ANO1: variants seen among roughly 807,000 people sequenced by gnomAD.
ANO1 encodes the protein anoctamin-1.
A neutral mutation model predicts 124.0 loss-of-function variants in ANO1; 59 were observed. The observed-to-expected ratio is 0.48, with a 90% CI of 0.39 to 0.59. The LOEUF (loss-of-function observed/expected upper bound fraction) is 0.59, where lower values mean the gene tolerates loss of function less well. ANO1 is among the 20% of genes least tolerant of loss of function. The pLI is 0.00. For missense variants in ANO1, 1,059 were observed against 1,328.0 expected, an observed-to-expected ratio of 0.80 and a Z score of 3.15; for synonymous variants, 529 against 532.0, an observed-to-expected ratio of 0.99 and a Z score of 0.08.
chr11:70,061,547 G>A (rs529628893), intron 1 of ANO1, among the ~76,000 whole-genome samples: 1 of 142,548 alleles, frequency 7.0e-6, no homozygotes, highest in Non-Finnish European at 1.5e-5. Context: ...AGAATGTTGA[G>A]CTTATTTCTC....
chr11:70,098,100 C>T (rs1385029046), intron 2 of ANO1, among the ~76,000 whole-genome samples: 1 of 152,214 alleles, frequency 6.6e-6, no homozygotes, highest in African/African-American at 2.4e-5. Context: ...CCCCCGAGTC[C>T]GACGGCAGGA....
chr11:70,095,344 GAA>G (rs1012629003), intron 2 of ANO1, among the ~76,000 whole-genome samples: 11 of 99,076 alleles, frequency 1.1e-4, no homozygotes, highest in South Asian at 3.4e-4. Context: ...GAAAGAGAAA[GAA>G]AAAGAAAGAA....
intron 6 of ANO1, among the ~76,000 whole-genome samples, chr11:70,110,104 C>T (rs1037419945): frequency 6.6e-6 from 1 of 150,896 alleles, no homozygotes; most frequent in Non-Finnish European, 1.5e-5. Context: ...AAAGGCCCTG[C>T]GGCAGGCAGC....
intron 1 of ANO1, among the ~76,000 whole-genome samples, chr11:69,991,850 T>G (rs1194327981): frequency 1.3e-5 from 2 of 152,224 alleles, no homozygotes; most frequent in Non-Finnish European, 2.9e-5. Context: ...TATTATGATC[T>G]GTGTTGTAGA....
At chr11:70,023,147 G>A (rs561832796) in intron 1 of ANO1, among the ~76,000 whole-genome samples, 2 of 152,344 alleles carry the variant, frequency 1.3e-5, no homozygotes, top group Admixed American at 1.3e-4. Context: ...TAATAATCAT[G>A]TGCTGTTTTA....
intron 16 of ANO1, among the ~76,000 whole-genome samples, chr11:70,158,712 G>A (rs1247359032): frequency 6.6e-6 from 1 of 152,254 alleles, no homozygotes; most frequent in Non-Finnish European, 1.5e-5. Flanking sequence ...GGAAGAAGTG[G>A]GAAGATCCAG....
intron 1 of ANO1, 103 bp downstream of exon 1, chr11:70,078,817 G>A (rs1368764599): frequency 1.6e-6 from 1 of 625,458 alleles, no homozygotes; most frequent in Non-Finnish European, 2.2e-6. Context: ...CCCAGGGCGG[G>A]GGCCGCACCC....
intron 1 of ANO1, among the ~76,000 whole-genome samples, chr11:70,006,933 G>A (rs1163586769): frequency 1.3e-5 from 2 of 152,024 alleles, no homozygotes; most frequent in African/African-American, 2.4e-5. Flanking sequence ...GCCTCCCAAA[G>A]TGCTGGGATG....
At chr11:70,143,556 T>C (rs2047236212) in intron 11 of ANO1, among the ~76,000 whole-genome samples, 1 of 152,116 alleles carries the variant, frequency 6.6e-6, no homozygotes, top group Non-Finnish European at 1.5e-5. Flanking sequence ...CCTACGGAGC[T>C]TGTTCAGAAT....
intron 1 of ANO1, chr11:70,064,520 C>CT (rs1300421759): frequency 2.0e-5 from 3 of 152,270 alleles, no homozygotes; most frequent in Non-Finnish European, 2.9e-5. Context: ...ACGCTGGCCC[C>CT]CTCTCTGGCT....
chr11:70,171,175 G>A, intron 22 of ANO1, 136 bp downstream of exon 22: 1 of 1,289,088 alleles, frequency 7.8e-7, no homozygotes, highest in Non-Finnish European at 1.1e-6. Context: ...CCTTTGCCGG[G>A]TGGAGCCTGG....
rs1223792465 is a variant in ANO1, at chr11:70,136,787, A to G, written c.1258+4708A>G. ...ATTCCAGTCACAGGTGGGGACAGAC[A>G]CGCACAGAAATCAGCATAGCCTCGA... On this transcript the variant is annotated intron_variant, in intron 11 of 25. Transcript: ENST00000355303. 1.4e-5 allele frequency among the ~76,000 whole-genome samples: 2 copies of G among 147,986 alleles called. 1 individual carries two copies. Among genetic ancestry groups the G allele is most frequent in the Non-Finnish European group, 3.0e-5 (2 of 66,330 alleles).
chr11:70,019,760 C>T (rs1856767649), intron 1 of ANO1, among the ~76,000 whole-genome samples: 1 of 152,238 alleles, frequency 6.6e-6, no homozygotes, highest in Non-Finnish European at 1.5e-5. Flanking sequence ...TAGGGCAGGC[C>T]TCATGACTTC....
chr11:70,104,895 G>T (rs922664633), intron 4 of ANO1, among the ~76,000 whole-genome samples: 1 of 152,144 alleles, frequency 6.6e-6, no homozygotes, highest in African/African-American at 2.4e-5. Context: ...AGGGGCCCTT[G>T]CTTATAAATG....
chr11:70,031,461 C>T (rs2135030322), intron 1 of ANO1, among the ~76,000 whole-genome samples: 1 of 152,330 alleles, frequency 6.6e-6, no homozygotes, highest in Admixed American at 6.5e-5. Context: ...CTATCTGAAA[C>T]TTTGTATCCT....
intron 8 of ANO1, among the ~76,000 whole-genome samples, chr11:70,122,687 T>C (rs2046343259): frequency 6.7e-6 from 1 of 150,078 alleles, no homozygotes; most frequent in Non-Finnish European, 1.5e-5. Context: ...TCTCTCCCTC[T>C]CCCCTACCTC....
At chr11:70,180,630 T>A (rs1208539689) in intron 23 of ANO1, among the ~76,000 whole-genome samples, 2 of 151,192 alleles carry the variant, frequency 1.3e-5, no homozygotes, top group Admixed American at 1.3e-4. Flanking sequence ...CTAAGTCCAC[T>A]GAGAATAAAC....
At chr11:70,095,275 GGAAGGAAGGAAGGAAGGAAGGAAGGAAA>G (rs1565193082) in intron 2 of ANO1, among the ~76,000 whole-genome samples, 2 of 81,264 alleles carry the variant, frequency 2.5e-5, no homozygotes, top group African/African-American at 5.1e-5. Context: ...AAGGAAGGAA[GGAAGGAAGGAAGGAAGGAAGGAAGGAAA>G]GAAAGAAAGA....
intron 19 of ANO1, among the ~76,000 whole-genome samples, chr11:70,164,138 C>T (rs2048163937): frequency 6.6e-6 from 1 of 152,186 alleles, no homozygotes; most frequent in African/African-American, 2.4e-5. Flanking sequence ...TGGACTTGCT[C>T]CACTGTTTGT....
Sources: allele counts gnomAD v4.1 joint callset (sites outside exome capture counted in the v4.1 genomes callset), GRCh38; gene constraint gnomAD v4.1.1; transcripts MANE v1.5; gene names NCBI Gene and HGNC (gene_info 2026-07-23, HGNC 2026-07-21).